The following IL20RA variants were observed in gnomAD, a reference collection of about 807,000 sequenced individuals.
IL20RA encodes the protein interleukin-20 receptor subunit alpha.
Under a neutral mutation model 36.5 loss-of-function variants are expected in IL20RA, and 29 were observed. The ratio of observed to expected loss-of-function variants is 0.79; its 90% CI spans 0.59 to 1.08. The LOEUF is 1.08. Ranked by LOEUF, IL20RA falls within the 50% of genes least tolerant of loss-of-function variation. The pLI, the probability that IL20RA is intolerant of heterozygous loss-of-function variation, is 0.00. For missense variants in IL20RA, 652 were observed against 668.4 expected (o/e 0.98, Z 0.27); for synonymous variants, 279 against 267.1 (o/e 1.04, Z -0.43).
At position 137,016,989 on chromosome 6, in the gene IL20RA, G is replaced by A; in HGVS notation, c.203C>T (p.Thr68Ile). 6.2e-7 allele frequency: 1 copy of A among 1,613,790 alleles called. No homozygotes were observed. Among genetic ancestry groups the A allele is most frequent in the African/African-American group, 1.3e-5 (1 of 75,024 alleles). ...TTACATGAAATACTGCACAGTGTAA[G>A]TAACTTTAACTCCTTGAAGACCCTC... ...PPEGLQGVKV[T>I]YTVQYFIYGQ... Residue 68 changes from threonine (T) to isoleucine (I), a missense_variant, in exon 2 of 7, where the codon ACT becomes ATT. Physicochemically the swap from Thr to Ile is moderately conservative, Grantham distance 89. Transcript: ENST00000316649.
chr6:137,028,862 A>AT (rs398085336), intron 1 of IL20RA, among the ~76,000 whole-genome samples: 1 of 151,306 alleles, frequency 6.6e-6, no homozygotes, highest in Non-Finnish European at 1.5e-5. Flanking sequence ...ATGAAAAAAA[A>AT]ATTCAATCTC....
intron 1 of IL20RA, among the ~76,000 whole-genome samples, chr6:137,036,351 A>T (rs936083064): frequency 2.0e-5 from 3 of 152,192 alleles, no homozygotes; most frequent in Non-Finnish European, 4.4e-5. Context: ...CAAAAGAAAT[A>T]TGTTGACATC....
At chr6:137,032,222 G>A (rs932495740) in intron 1 of IL20RA, among the ~76,000 whole-genome samples, 1 of 152,156 alleles carries the variant, frequency 6.6e-6, no homozygotes, top group South Asian at 2.1e-4. Context: ...TGGAGGGTTA[G>A]GCAGGGGCTA....
At chr6:137,037,360 A>G (rs141521402) in intron 1 of IL20RA, among the ~76,000 whole-genome samples, 10 of 152,352 alleles carry the variant, frequency 6.6e-5, no homozygotes, top group African/African-American at 2.4e-4. Flanking sequence ...TCCTTTCAGC[A>G]AAGAGTAGCC....
Position 137,020,264 on chromosome 6 carries a change from C to T in IL20RA, c.89-3161G>A, listed in dbSNP as rs567578605. 9.8e-5 allele frequency among the ~76,000 whole-genome samples: 15 copies of T among 152,298 alleles called. No homozygotes were observed. In the East Asian group the frequency reaches 1.4e-3, roughly 14 times the overall value. On this transcript the variant is annotated intron_variant, in intron 1 of 6. Transcript: ENST00000316649. ...GATCCTCCGACCCCAGTCCAGCCTT[C>T]GGATGACTGCAGCCCCAGCTTGCCT...
At chr6:137,038,587 C>T (rs1293007403) in intron 1 of IL20RA, among the ~76,000 whole-genome samples, 1 of 152,026 alleles carries the variant, frequency 6.6e-6, no homozygotes, top group African/African-American at 2.4e-5. Flanking sequence ...TGTGTTATGT[C>T]ATAAACTGTA....
intron 2 of IL20RA, among the ~76,000 whole-genome samples, chr6:137,014,713 T>A (rs1775619298): frequency 6.6e-6 from 1 of 152,142 alleles, no homozygotes; most frequent in Admixed American, 6.5e-5. Flanking sequence ...CCCCCCCTTT[T>A]CCACCTTATA....
intron 1 of IL20RA, chr6:137,044,437 T>G: frequency 1.1e-6 from 1 of 872,084 alleles, no homozygotes; most frequent in Non-Finnish European, 1.5e-6. Flanking sequence ...CGAGCCAAGG[T>G]GCGCGAGGCG....
chr6:137,027,312 A>G (rs1252610527), intron 1 of IL20RA, among the ~76,000 whole-genome samples: 2 of 152,128 alleles, frequency 1.3e-5, no homozygotes, highest in African/African-American at 4.8e-5. Context: ...GTTGCACTTG[A>G]TTTTCTTCCC....
At chr6:137,035,478 G>C (rs1044939993) in intron 1 of IL20RA, among the ~76,000 whole-genome samples, 3 of 152,172 alleles carry the variant, frequency 2.0e-5, no homozygotes, top group African/African-American at 4.8e-5. Flanking sequence ...ACATTTTAAT[G>C]CAATCACTTA....
chr6:137,016,412 C>A (rs1179445862), intron 2 of IL20RA, among the ~76,000 whole-genome samples: 1 of 152,180 alleles, frequency 6.6e-6, no homozygotes, highest in African/African-American at 2.4e-5. Flanking sequence ...TCAGTTTCTG[C>A]AGCTGTTTTT....
intron 5 of IL20RA, 127 bp from the exon 6 acceptor site, chr6:137,004,887 T>A (rs1775224787): frequency 2.5e-6 from 2 of 814,256 alleles, no homozygotes; most frequent in Admixed American, 2.5e-5. Context: ...GGGAACTCAG[T>A]TTTCTCACCT....
At chr6:137,041,228 G>T (rs1162880846) in intron 1 of IL20RA, among the ~76,000 whole-genome samples, 7 of 152,138 alleles carry the variant, frequency 4.6e-5, no homozygotes. Flanking sequence ...AAGACTAAGG[G>T]GACATGACCA....
At chr6:137,009,649 A>C (rs1195891619) in intron 3 of IL20RA, among the ~76,000 whole-genome samples, 157 bp from the exon 4 acceptor site, 1 of 116,116 alleles carries the variant, frequency 8.6e-6, no homozygotes, top group African/African-American at 3.5e-5. Flanking sequence ...CCCCTCGCCT[A>C]GGCTGGAGTG....
At chr6:137,025,161 T>C (rs1776044011) in intron 1 of IL20RA, among the ~76,000 whole-genome samples, 1 of 152,194 alleles carries the variant, frequency 6.6e-6, no homozygotes, top group Non-Finnish European at 1.5e-5. Flanking sequence ...ATGGAATGTG[T>C]GTGTTCCTCC....
rs80231790 is a variant in IL20RA at position 137,022,045 on chromosome 6, C to A, written c.89-4942G>T. On this transcript the variant is annotated intron_variant, in intron 1 of 6. Transcript: ENST00000316649. The stretch of plus-strand genomic sequence containing the variant: ...CCCATACTCTTAACCTCCTCACTCA[C>A]ATGCCAGCGTTGTAAACCAAGTAGA... Among the ~76,000 whole-genome samples, 846 of 152,250 alleles carry A rather than the reference C, an allele frequency of 5.6e-3. 7 individuals carry two copies. Among genetic ancestry groups the A allele is most frequent in the African/African-American group, 0.019 (790 of 41,552 alleles).
intron 1 of IL20RA, 43 bp downstream of exon 1, chr6:137,044,598 T>A (rs1002557309): frequency 5.3e-5 from 65 of 1,215,516 alleles, no homozygotes; most frequent in Non-Finnish European, 4.2e-5. Context: ...GGCCCCGGCC[T>A]GGAGGCATCC....
chr6:137,015,007 C>T (rs1013137051), intron 2 of IL20RA, among the ~76,000 whole-genome samples: 1 of 152,202 alleles, frequency 6.6e-6, no homozygotes, highest in African/African-American at 2.4e-5. Context: ...TTAGGTTATA[C>T]TTGTCTTTTC....
rs572819757 is a variant in IL20RA at position 137,017,662 on chromosome 6, C to T, written c.89-559G>A. Among the ~76,000 whole-genome samples, 3 of 151,048 alleles carry T rather than the reference C, an allele frequency of 2.0e-5. No individual in the cohort carries two copies. The South Asian group carries it at 6.4e-4, about 32-fold the overall frequency. ...AAAAACAAAATTTAGAGTAGGTGACCCCGAGAGGCCAGAGTTTCAAAGGTT... is the reference window on the plus strand; with the variant it reads ...AAAAACAAAATTTAGAGTAGGTGACTCCGAGAGGCCAGAGTTTCAAAGGTT... On this transcript the variant is annotated intron_variant, in intron 1 of 6. Coordinates refer to ENST00000316649, the MANE Select transcript of IL20RA (RefSeq NM_014432.4).
Sources: gnomAD v4.1 joint callset for allele counts (sites outside exome capture counted in the v4.1 genomes callset) on GRCh38, gnomAD v4.1.1 for gene constraint, MANE v1.5 for transcripts, NCBI Gene and HGNC (gene_info 2026-07-23, HGNC 2026-07-21) for gene names.